The following GFI1 variants were observed in gnomAD, a reference collection of about 807,000 sequenced individuals.
GFI1 encodes the protein zinc finger protein Gfi-1.
Under a neutral mutation model 39.2 loss-of-function variants are expected in GFI1, and 15 were observed. The observed-to-expected ratio is 0.38, with a 90% CI of 0.26 to 0.59. The LOEUF (loss-of-function observed/expected upper bound fraction) is 0.59, where lower values mean the gene tolerates loss of function less well. Ranked by LOEUF, GFI1 falls within the 20% of genes least tolerant of loss-of-function variation. The pLI is 0.62. For missense variants in GFI1, 475 were observed against 574.0 expected, an observed-to-expected ratio of 0.83 and a Z score of 1.76; for synonymous variants, 239 against 254.3, an observed-to-expected ratio of 0.94 and a Z score of 0.57.
chr1:92,477,483 T>G (rs1658026904), intron 6 of GFI1, among the ~76,000 whole-genome samples: 1 of 152,252 alleles, frequency 6.6e-6, no homozygotes, highest in Non-Finnish European at 1.5e-5. Context: ...AAATCAGTAT[T>G]CATATTCTGC....
chr1:92,480,452 C>T lies in GFI1; in HGVS notation c.820G>A (p.Val274Met), dbSNP rs1401425117. 6.5e-7 allele frequency: 1 copy of T among 1,550,352 alleles called. No homozygotes were observed. The highest frequency in any genetic ancestry group is 8.7e-7 in the Non-Finnish European group (1 of 1,146,644). ...FSTPHGLEVH[V>M]RRSHSGTRPF... ...CTGGTACCGCTGTGGGACCTGCGCA[C>T]GTGCACCTCGAGCCCGTGCGGCGTG... The change falls in exon 5 of 7, where the codon GTG becomes ATG. Residue 274 changes from valine (V) to methionine (M), a missense_variant. Physicochemically the swap from Val to Met is conservative, Grantham distance 21 (BLOSUM62 1). This residue lies in a region of GFI1 where 112 missense variants were observed against 202.8 expected (regional missense o/e 0.55). Transcript: ENST00000294702. This position sits in a 1 kb window ranked among gnomAD's most constrained non-coding sequence, Gnocchi z 5.6.
At position 92,481,109 on chromosome 1, in the gene GFI1, C is replaced by A. The variant is rs888557981; in HGVS notation, c.299-21G>T. 6.2e-7 allele frequency: 1 copy of A among 1,600,956 alleles called. No individual in the cohort carries two copies. Among genetic ancestry groups the A allele is most frequent in the East Asian group, 2.2e-5 (1 of 44,452 alleles). ...CGAGGCTGTGGAGGCACAAGGGGAG[C>A]GTCCGGTCAGGCTTCAGACGGCAGA... On this transcript the variant is annotated intron_variant, in intron 3 of 6. Transcript: ENST00000294702. This position sits in a 1 kb window ranked among gnomAD's most constrained non-coding sequence, Gnocchi z 4.3.
Position 92,482,718 on chromosome 1 carries a change from T to C in GFI1, c.298+146A>G. On this transcript the variant is annotated intron_variant, in intron 3 of 6. Coordinates refer to ENST00000294702, the MANE Select transcript of GFI1 (RefSeq NM_005263.5). This position sits in a 1 kb window ranked among gnomAD's most constrained non-coding sequence, Gnocchi z 4.4. ...CCAAGTCCCAGAGAAGCCGGATGCCTCCTTCCCCTACGAATCAGCTCCCTT... is the reference window on the plus strand; with the variant it reads ...CCAAGTCCCAGAGAAGCCGGATGCCCCCTTCCCCTACGAATCAGCTCCCTT... 1.4e-6 allele frequency: 1 copy of C among 711,980 alleles called. No individual in the cohort carries two copies. The highest frequency in any genetic ancestry group is 2.5e-6 in the Non-Finnish European group (1 of 400,594). The allele number at this position is 711,980 out of a possible 1,614,324, so 44.1% of individuals were successfully genotyped here.
Position 92,481,934 on chromosome 1 carries a change from A to AAT in GFI1, c.299-848_299-847dup, listed in dbSNP as rs1455094303. Among the ~76,000 whole-genome samples, 23 of 74,680 alleles carry AAT rather than the reference A, an allele frequency of 3.1e-4. No homozygotes were observed. Among genetic ancestry groups the AAT allele is most frequent in the African/African-American group, 1.2e-3 (23 of 19,314 alleles). 49.0% of individuals were successfully genotyped at this position (74,680 alleles called of 152,430 possible). ...CATGTGAGTGCATACGGCATTTACAAATGTGTGTGTGTGTGTGTGCGCACA... is the reference window on the plus strand; with the variant it reads ...CATGTGAGTGCATACGGCATTTACAAATATGTGTGTGTGTGTGTGTGCGCACA... On this transcript the variant is annotated intron_variant, in intron 3 of 6. Coordinates refer to ENST00000294702, the MANE Select transcript of GFI1 (RefSeq NM_005263.5). This position sits in a 1 kb window ranked among gnomAD's most constrained non-coding sequence, Gnocchi z 4.3.
At position 92,481,048 on chromosome 1, in the gene GFI1, C is replaced by T; in HGVS notation, c.339G>A (p.Gln113=). 1 of 1,611,938 alleles carries T rather than the reference C, an allele frequency of 6.2e-7. No individual in the cohort carries two copies. ...ACGGTTTGAAAGGCAGGGGGAAGGG[C>T]TGGGCTTCGTCCAGCGATGGGCACA... ...KSMCPSLDEA[Q]PFPLPFKPYS... is the part of the protein sequence containing the mutation. Residue 113 remains glutamine, a synonymous_variant, in exon 4 of 7, where the codon CAG becomes CAA. Transcript: ENST00000294702. This position sits in a 1 kb window ranked among gnomAD's most constrained non-coding sequence, Gnocchi z 4.3.
rs1406428439 is a variant in GFI1 at position 92,480,860 on chromosome 1, C to G, written c.527G>C (p.Gly176Ala). 1 of 1,457,752 alleles carries G rather than the reference C, an allele frequency of 6.9e-7. No individual in the cohort carries two copies. 90.3% of individuals were successfully genotyped at this position (1,457,752 alleles called of 1,614,324 possible). A position where few individuals can be genotyped will look rare whatever the true frequency, so the allele number is the denominator to read the frequency against. The change falls in exon 4 of 7, where the codon GGC (glycine) becomes GCC (alanine). Residue 176 changes from glycine (G) to alanine (A), a missense_variant. By Grantham distance (60) the Gly-to-Ala change is moderately conservative. This residue lies in a region of GFI1 where 275 missense variants were observed against 275.8 expected (regional missense o/e 1.00). Coordinates refer to ENST00000294702, the MANE Select transcript of GFI1 (RefSeq NM_005263.5). This position sits in a 1 kb window ranked among gnomAD's most constrained non-coding sequence, Gnocchi z 5.6. ...ALYGPKRAAG[G>A]AGAGAPGSCS... ...GCTCCCTGGCGCCCCGGCCCCCGCG[C>G]CGCCGGCAGCCCGCTTCGGGCCGTA...
rs1488053535 is a variant in GFI1 at position 92,474,258 on chromosome 1, G to A, written c.*1771C>T. On this transcript the variant is annotated 3_prime_UTR_variant, in exon 7 of 7. Transcript: ENST00000294702. The stretch of plus-strand genomic sequence containing the variant: ...TTCCAGTCTCCACAGAATCAAAGCG[G>A]TCAGGGTTGGACAGGAATGACAGAG... 6.6e-6 allele frequency among the ~76,000 whole-genome samples: 1 copy of A among 152,164 alleles called. No homozygotes were observed. Among genetic ancestry groups the A allele is most frequent in the Non-Finnish European group, 1.5e-5 (1 of 68,026 alleles).
Position 92,474,211 on chromosome 1 carries a change from C to T in GFI1, c.*1818G>A, listed in dbSNP as rs1420001926. On this transcript the variant is annotated 3_prime_UTR_variant, in exon 7 of 7. Coordinates refer to ENST00000294702, the MANE Select transcript of GFI1 (RefSeq NM_005263.5). ...GACTTGCATTAGGGGAGGCAGCTAA[C>T]CAATCTCACACTTTTTTTCCTTTCC... is the stretch of plus-strand genomic sequence containing the variant. 6.6e-6 allele frequency among the ~76,000 whole-genome samples: 1 copy of T among 152,224 alleles called. No individual in the cohort carries two copies.
rs1488859906 is a variant in GFI1, at chr1:92,475,477, A to T, written c.*552T>A. On this transcript the variant is annotated 3_prime_UTR_variant, in exon 7 of 7. Coordinates refer to ENST00000294702, the MANE Select transcript of GFI1 (RefSeq NM_005263.5). ...AATCAGTTTTTGAGGAGGAGAAATG[A>T]TTCCTCCAAGATTTATAGGCAGCAC... 1 of 161,624 alleles carries T rather than the reference A, an allele frequency of 6.2e-6. No individual in the cohort carries two copies. The highest frequency in any genetic ancestry group is 1.4e-5 in the Non-Finnish European group (1 of 73,344). The allele number at this position is 161,624 out of a possible 1,614,324, so 10.0% of individuals were successfully genotyped here. A position where few individuals can be genotyped will look rare whatever the true frequency, so the allele number is the denominator to read the frequency against.
rs1658304111 is a variant in GFI1, at chr1:92,482,453, C to T, written c.298+411G>A. On this transcript the variant is annotated intron_variant, in intron 3 of 6. Transcript: ENST00000294702. This position sits in a 1 kb window ranked among gnomAD's most constrained non-coding sequence, Gnocchi z 4.4. ...CCTCCCTGCCGCCCAGCGCCTAGCTCCTCTGCCTGGCCCGTTCTGCCCTGT... is the reference window on the plus strand; with the variant it reads ...CCTCCCTGCCGCCCAGCGCCTAGCTTCTCTGCCTGGCCCGTTCTGCCCTGT... Among the ~76,000 whole-genome samples, 1 of 152,184 alleles carries T rather than the reference C, an allele frequency of 6.6e-6. No homozygotes were observed. The highest frequency in any genetic ancestry group is 1.5e-5 in the Non-Finnish European group (1 of 68,038).
rs1448879759 is a variant in GFI1, at chr1:92,476,083, G to T, written c.1215C>A (p.Phe405Leu). Residue 405 changes from phenylalanine to leucine, a missense_variant, in exon 7 of 7, where the codon TTC (phenylalanine) becomes TTA (leucine). Physicochemically the swap from Phe to Leu is conservative, Grantham distance 22 (BLOSUM62 0). This residue lies in a region of GFI1 where 112 missense variants were observed against 202.8 expected (regional missense o/e 0.55). Coordinates refer to ENST00000294702, the MANE Select transcript of GFI1 (RefSeq NM_005263.5). ...GCCTTCGGAGGTCCACCTTCCTCTG[G>T]AAACCCTTCCCACAGAGGTCGCAGC... ...PFGCDLCGKG[F>L]QRKVDLRRHR... The T allele has an allele frequency of 1.2e-6, 2 of 1,614,128 alleles. No homozygotes were observed. The highest frequency in any genetic ancestry group is 1.7e-6 in the Non-Finnish European group (2 of 1,180,014).
chr1:92,483,452 A>G lies in GFI1; in HGVS notation c.36T>C (p.Ala12=), dbSNP rs1383814130. The G allele has an allele frequency of 1.2e-6, 2 of 1,612,878 alleles. No homozygotes were observed. The highest frequency in any genetic ancestry group is 1.7e-6 in the Non-Finnish European group (2 of 1,178,996). The change falls in exon 2 of 7, where the codon GCT becomes GCC. Residue 12 remains alanine (A), a synonymous_variant. Transcript: ENST00000294702. ...GGGAGCGCGGCTGGTGGTAGCTGTGAGCCTTCTTGCTTTTGACGAGAAATG... is the reference window on the plus strand; with the variant it reads ...GGGAGCGCGGCTGGTGGTAGCTGTGGGCCTTCTTGCTTTTGACGAGAAATG... ...PRSFLVKSKK[A]HSYHQPRSPG... is the part of the protein sequence containing the mutation.
At chr1:92,483,163 C>T in intron 2 of GFI1, 117 bp from the exon 3 acceptor site, 1 of 1,014,748 alleles carries the variant, frequency 9.9e-7, no homozygotes, top group African/African-American at 1.6e-5. Flanking sequence ...TCCACCCAGA[C>T]CCCGGCCGGG....
At chr1:92,476,762 T>TTCTC (rs141823158) in intron 6 of GFI1, among the ~76,000 whole-genome samples, 3 of 151,260 alleles carry the variant, frequency 2.0e-5, no homozygotes, top group Admixed American at 6.6e-5. Flanking sequence ...CTTTCTTTAT[T>TTCTC]TCTCTCTCTC....
In GFI1 at chr1:92,483,596, A is replaced by T; in HGVS notation, c.-99-10T>A. On this transcript the variant is annotated splice_polypyrimidine_tract_variant and intron_variant, in intron 1 of 6. Transcript: ENST00000294702. The stretch of plus-strand genomic sequence containing the variant: ...CCAGCCCGGAGGAGACCTGAGAGGG[A>T]AAGAAAACCAGGTGGAGACGTGGGT... The T allele has an allele frequency of 1.4e-6, 1 of 728,302 alleles. No homozygotes were observed. The allele number at this position is 728,302 out of a possible 1,614,324, so 45.1% of individuals were successfully genotyped here.
chr1:92,485,846 T>G (rs1658502808), intron 1 of GFI1, among the ~76,000 whole-genome samples: 1 of 152,082 alleles, frequency 6.6e-6, no homozygotes, highest in Non-Finnish European at 1.5e-5. Flanking sequence ...ACTGCGCGGG[T>G]CGCGCCCTAA....
At position 92,475,324 on chromosome 1, in the gene GFI1, C is replaced by T. The variant is rs562910181; in HGVS notation, c.*705G>A. ...ACCTCCAGTGATGAGGTTTTCACAG[C>T]CCTACTGAAGGGAGGACCTCTAATC... On this transcript the variant is annotated 3_prime_UTR_variant, in exon 7 of 7. Transcript: ENST00000294702. 1 of 152,738 alleles carries T rather than the reference C, an allele frequency of 6.5e-6. No homozygotes were observed. The highest frequency in any genetic ancestry group is 2.1e-4 in the South Asian group (1 of 4,824). 9.5% of individuals were successfully genotyped at this position (152,738 alleles called of 1,614,324 possible). A position where few individuals can be genotyped will look rare whatever the true frequency, so the allele number is the denominator to read the frequency against.
chr1:92,478,833 C>T, intron 5 of GFI1, 80 bp from the exon 6 acceptor site: 1 of 1,568,716 alleles, frequency 6.4e-7, no homozygotes. Flanking sequence ...CTGCTGCTCT[C>T]CTCACCCCTC....
In GFI1 at chr1:92,482,633, G is replaced by A. The variant is rs1430202388; in HGVS notation, c.298+231C>T. On this transcript the variant is annotated intron_variant, in intron 3 of 6. Transcript: ENST00000294702. The surrounding 1 kb of genome is among the most constrained non-coding windows in gnomAD (Gnocchi z 4.4). Reference sequence around the variant, plus strand: ...CAGCTCCGCGCAAACGAATCTAAGCGACAAGCAGCTAGGGTCCTGCCGCCT... The same window carrying A: ...CAGCTCCGCGCAAACGAATCTAAGCAACAAGCAGCTAGGGTCCTGCCGCCT... Among the ~76,000 whole-genome samples, 4 of 152,232 alleles carry A rather than the reference G, an allele frequency of 2.6e-5. No homozygotes were observed. The highest frequency in any genetic ancestry group is 5.9e-5 in the Non-Finnish European group (4 of 68,040).
Sources: gnomAD v4.1 joint callset for allele counts (sites outside exome capture counted in the v4.1 genomes callset) on GRCh38, gnomAD v4.1.1 for gene constraint, gnomAD v4.1.1 regional missense constraint, Gnocchi (gnomAD v3.1) non-coding constraint, MANE v1.5 for transcripts, NCBI Gene and HGNC (gene_info 2026-07-23, HGNC 2026-07-21) for gene names.